The following ZNF469 variants were observed in gnomAD, a reference collection of about 807,000 sequenced individuals.
ZNF469 encodes zinc finger protein 469.
ZNF469 carries 1 observed loss-of-function variant against 1.0 expected under a neutral mutation model. That is an observed-to-expected ratio of 1.00 (90% confidence interval 0.35 to 4.73). The LOEUF is 4.73. Among genes scored for constraint, ZNF469 ranks in the 30% most tolerant of loss-of-function variants. ZNF469 has a pLI of 0.16. For synonymous variants in ZNF469, 2,703 were observed against 2,363.4 expected, an observed-to-expected ratio of 1.14 and a Z score of -4.17; for missense variants, 6,100 against 5,356.3, an observed-to-expected ratio of 1.14 and a Z score of -4.33.
At position 88,431,915 on chromosome 16, in the gene ZNF469, T is replaced by C. The variant is rs1240104028; in HGVS notation, c.4445T>C (p.Phe1482Ser). The C allele has an allele frequency of 6.5e-7, 1 of 1,549,532 alleles. No homozygotes were observed. Among genetic ancestry groups the C allele is most frequent in the African/African-American group, 1.4e-5 (1 of 73,002 alleles). The change falls in exon 3 of 3, where the codon TTC becomes TCC. Residue 1482 changes from phenylalanine (F) to serine (S), a missense_variant. Physicochemically the swap from Phe to Ser is radical, Grantham distance 155. Coordinates refer to ENST00000565624, the MANE Select transcript of ZNF469 (RefSeq NM_001367624.2). ...GCGAACAGGGACTCCGGTCTGCCGT[T>C]CGCATGTGCCGACCCTCCCCAGAAG... is the stretch of plus-strand genomic sequence containing the variant. The part of the protein sequence containing the change: ...LSANRDSGLP[F>S]ACADPPQKTV...
At chr16:88,187,762 A>G in the ZNF469 span, among the ~76,000 whole-genome samples, 35 of 149,842 alleles carry the variant, frequency 2.3e-4, no homozygotes, top group Middle Eastern at 6.9e-3. Context: ...ACCAGACAGA[A>G]TGCTGTATTA....
At chr16:88,391,790 T>C (rs1278646479) in intron 1 of ZNF469, among the ~76,000 whole-genome samples, 1 of 152,190 alleles carries the variant, frequency 6.6e-6, no homozygotes, top group Non-Finnish European at 1.5e-5. Context: ...GTAACATCTC[T>C]TGGCTGGAAA....
chr16:88,118,621 C>T, the ZNF469 span, among the ~76,000 whole-genome samples: 1 of 152,220 alleles, frequency 6.6e-6, no homozygotes, highest in African/African-American at 2.4e-5. Flanking sequence ...CTGTTTTCTT[C>T]CCTTCAGAGT....
At chr16:88,359,713 T>C in the ZNF469 span, among the ~76,000 whole-genome samples, 3 of 152,218 alleles carry the variant, frequency 2.0e-5, no homozygotes, top group Non-Finnish European at 4.4e-5. Flanking sequence ...ATTGCAAATA[T>C]ATTCTTTTAC....
At chr16:88,255,199 G>A in the ZNF469 span, among the ~76,000 whole-genome samples, 3 of 152,222 alleles carry the variant, frequency 2.0e-5, no homozygotes, top group Admixed American at 1.3e-4. Context: ...CCAATGTGCA[G>A]ATGCAGGCTG....
At chr16:88,252,670 C>T in the ZNF469 span, among the ~76,000 whole-genome samples, 1 of 152,194 alleles carries the variant, frequency 6.6e-6, no homozygotes. Context: ...ACTATGACTT[C>T]ATTTGAATAA....
chr16:88,291,323 A>T, the ZNF469 span, among the ~76,000 whole-genome samples: 1 of 151,980 alleles, frequency 6.6e-6, no homozygotes. Context: ...CACTACACAC[A>T]CTTGTTTGAT....
chr16:88,120,553 C>T, the ZNF469 span, among the ~76,000 whole-genome samples: 5 of 152,240 alleles, frequency 3.3e-5, no homozygotes, highest in Non-Finnish European at 5.9e-5. Context: ...ATGCTGGACC[C>T]GCAGCGTGAG....
chr16:88,109,005 A>G, the ZNF469 span, among the ~76,000 whole-genome samples: 1 of 152,212 alleles, frequency 6.6e-6, no homozygotes, highest in Non-Finnish European at 1.5e-5. Flanking sequence ...AACCAAGATA[A>G]TCAATGACTG....
the ZNF469 span, among the ~76,000 whole-genome samples, chr16:88,259,356 G>A: frequency 6.6e-6 from 1 of 151,082 alleles, no homozygotes; most frequent in South Asian, 2.1e-4. The surrounding 1 kb of genome is among the most constrained non-coding windows in gnomAD (Gnocchi z 4.1). Context: ...CCCTCTGCCC[G>A]CCAGATTCTG....
In ZNF469 at chr16:88,437,198, G is replaced by A. The variant is rs890154314; in HGVS notation, c.9728G>A (p.Arg3243His). ...EPAPKHHRGK[R>H]SAGKAAGSPG... ...GCGCCCAAACACCACAGGGGCAAGC[G>A]CTCCGCCGGCAAGGCCGCCGGGAGC... Residue 3243 changes from arginine (R) to histidine (H), a missense_variant, in exon 3 of 3, where the codon CGC becomes CAC. By Grantham distance (29) the Arg-to-His change is conservative. Transcript: ENST00000565624. The A allele has an allele frequency of 3.9e-6, 6 of 1,549,506 alleles. No individual in the cohort carries two copies. The highest frequency in any genetic ancestry group is 4.4e-6 in the Non-Finnish European group (5 of 1,146,566).
chr16:88,213,223 C>T, the ZNF469 span, among the ~76,000 whole-genome samples: 4,313 of 152,074 alleles, frequency 0.028, 210 homozygotes, highest in African/African-American at 0.099. Context: ...CTCAGCCTGC[C>T]GAGTAGCTGG....
At chr16:88,411,669 G>T (rs1019713474) in intron 1 of ZNF469, among the ~76,000 whole-genome samples, 3 of 152,148 alleles carry the variant, frequency 2.0e-5, no homozygotes, top group African/African-American at 7.2e-5. Context: ...TTCTGGGCAG[G>T]AGACGGCGGT....
chr16:88,206,216 C>T, the ZNF469 span, among the ~76,000 whole-genome samples: 133 of 152,324 alleles, frequency 8.7e-4, no homozygotes, highest in Middle Eastern at 3.4e-3. Context: ...ACAGCAGCGC[C>T]GGAGGCGGAA....
In ZNF469 at chr16:88,427,860, GC is replaced by G; in HGVS notation, c.393del (p.Thr132ProfsTer214). Reference sequence around the variant, plus strand: ...TGGGCATCGCCAGCTCGAGGACCAAGCCCACCCTGGACGAGACACCAGAGAA... The same window carrying G: ...TGGGCATCGCCAGCTCGAGGACCAAGCCACCCTGGACGAGACACCAGAGAA... ...ILGIASSRTK[P>X]TLDETPENPQ... On this transcript the variant is annotated frameshift_variant, in exon 3 of 3. Transcript: ENST00000565624. LOFTEE classifies it low-confidence loss of function (END_TRUNC). 1 of 1,549,512 alleles carries G rather than the reference GC, an allele frequency of 6.5e-7. No homozygotes were observed. The highest frequency in any genetic ancestry group is 8.7e-7 in the Non-Finnish European group (1 of 1,146,800).
chr16:88,189,868 G>T, the ZNF469 span, among the ~76,000 whole-genome samples: 6 of 152,314 alleles, frequency 3.9e-5, no homozygotes, highest in East Asian at 3.9e-4. The surrounding 1 kb of genome is among the most constrained non-coding windows in gnomAD (Gnocchi z 4.3). Context: ...GCAGTGAGCC[G>T]AGATTGCACC....
the ZNF469 span, among the ~76,000 whole-genome samples, chr16:88,338,670 T>A: frequency 6.6e-6 from 1 of 152,318 alleles, no homozygotes; most frequent in African/African-American, 2.4e-5. Flanking sequence ...GACAGGGCCT[T>A]TGCAGGTGCA....
intron 1 of ZNF469, among the ~76,000 whole-genome samples, chr16:88,408,270 A>G (rs922460421): frequency 6.6e-6 from 1 of 152,216 alleles, no homozygotes; most frequent in Admixed American, 6.5e-5. Flanking sequence ...CTCCTGCCTC[A>G]GCCTCCCGGT....
chr16:88,187,243 C>T, the ZNF469 span, among the ~76,000 whole-genome samples: 4,358 of 152,268 alleles, frequency 0.029, 96 homozygotes, highest in Admixed American at 0.067. Flanking sequence ...CTAGGAAAGC[C>T]GCCTCCAAGC....
Sources: gnomAD v4.1 joint callset for allele counts (sites outside exome capture counted in the v4.1 genomes callset) on GRCh38, gnomAD v4.1.1 for gene constraint, Gnocchi (gnomAD v3.1) non-coding constraint, MANE v1.5 for transcripts, NCBI Gene and HGNC (gene_info 2026-07-23, HGNC 2026-07-21) for gene names.